Variants in PTPRD observed in about 807,000 individuals in gnomAD.
PTPRD encodes the protein protein tyrosine phosphatase receptor type D.
PTPRD carries 34 observed loss-of-function variants against 214.5 expected under a neutral mutation model. The observed-to-expected ratio is 0.16, with a 90% CI of 0.12 to 0.21. The LOEUF (loss-of-function observed/expected upper bound fraction) is 0.21. Ranked by LOEUF, PTPRD falls within the 10% of genes least tolerant of loss-of-function variation. PTPRD has a pLI of 1.00. For synonymous variants in PTPRD, 1,128 were observed against 845.7 expected (o/e 1.33, Z -5.79); for missense variants, 2,545 against 2,398.7 (o/e 1.06, Z -1.27).
At chr9:8,529,999 T>C (rs1227824296) in intron 14 of PTPRD, among the ~76,000 whole-genome samples, 1 of 152,020 alleles carries the variant, frequency 6.6e-6, no homozygotes, top group Non-Finnish European at 1.5e-5. Context: ...AATTCTAAAA[T>C]TACTCGAAAG....
At chr9:10,601,028 T>G (rs940496443) in intron 2 of PTPRD, among the ~76,000 whole-genome samples, 4 of 151,754 alleles carry the variant, frequency 2.6e-5, no homozygotes, top group Non-Finnish European at 4.4e-5. Flanking sequence ...CAGGGGAAAA[T>G]AGCAAGAAAT....
intron 3 of PTPRD, among the ~76,000 whole-genome samples, chr9:10,097,788 G>A (rs2098506753): frequency 6.6e-6 from 1 of 151,798 alleles, no homozygotes; most frequent in African/African-American, 2.4e-5. Context: ...GAATAGGAGT[G>A]GTGAGAGAGG....
chr9:9,670,234 T>C (rs1045129454), intron 7 of PTPRD, among the ~76,000 whole-genome samples: 1 of 152,170 alleles, frequency 6.6e-6, no homozygotes, highest in African/African-American at 2.4e-5. Context: ...ATGGTTTGGC[T>C]GTGTCCCCAC....
chr9:9,543,259 T>C (rs1355759672), intron 8 of PTPRD, among the ~76,000 whole-genome samples: 2 of 151,532 alleles, frequency 1.3e-5, no homozygotes, highest in East Asian at 3.9e-4. Context: ...CATAACAAAT[T>C]ATGGGGATGC....
At chr9:8,334,777 A>G (rs1844968744) in intron 43 of PTPRD, among the ~76,000 whole-genome samples, 2 of 116,890 alleles carry the variant, frequency 1.7e-5, no homozygotes, top group South Asian at 5.0e-4. Flanking sequence ...AACAAAATAG[A>G]TAGAAAAGAC....
rs1372302662 is a variant in PTPRD at position 10,142,795 on chromosome 9, A to G, written c.-544-109005T>C. 1.1e-3 allele frequency among the ~76,000 whole-genome samples: 164 copies of G among 147,710 alleles called. 2 individuals are homozygous for G. Among genetic ancestry groups the G allele is most frequent in the Non-Finnish European group, 1.8e-3 (123 of 67,252 alleles). On this transcript the variant is annotated intron_variant, in intron 3 of 45. Transcript: ENST00000381196. ...ACTGGGTATATACCCAAAGGACTAT[A>G]AATCATGCTGCTATAAAGACACATG... is the stretch of plus-strand genomic sequence containing the variant.
Position 8,533,182 on chromosome 9 carries a change from G to C in PTPRD, c.353-4403C>G, listed in dbSNP as rs117458196. Among the ~76,000 whole-genome samples the C allele has an allele frequency of 3.6e-4, 55 of 152,094 alleles. 1 individual carries two copies. The East Asian group carries it at 0.011, about 29-fold the overall frequency. On this transcript the variant is annotated intron_variant, in intron 14 of 45. Coordinates refer to ENST00000381196, the MANE Select transcript of PTPRD (RefSeq NM_002839.4). ...TTCACAAACACTGAATCTCTTCTTT[G>C]TAAGGAAGCCAGGAAAATCTGAATT...
At chr9:9,140,234 T>C (rs928245027) in intron 10 of PTPRD, among the ~76,000 whole-genome samples, 1 of 151,824 alleles carries the variant, frequency 6.6e-6, no homozygotes, top group Non-Finnish European at 1.5e-5. Context: ...GAAAAAGCCC[T>C]GTTTGGCTGT....
chr9:8,671,987 A>G (rs1164070978), intron 12 of PTPRD, among the ~76,000 whole-genome samples: 1 of 152,342 alleles, frequency 6.6e-6, no homozygotes, highest in African/African-American at 2.4e-5. Context: ...ACGAGTCCAT[A>G]AACATTCATG....
chr9:9,745,303 T>G (rs577397295), intron 6 of PTPRD, among the ~76,000 whole-genome samples: 1 of 152,258 alleles, frequency 6.6e-6, no homozygotes, highest in East Asian at 1.9e-4. Flanking sequence ...AAATATGAAC[T>G]TATTTTCAAG....
chr9:9,041,151 TG>T (rs1358984187), intron 10 of PTPRD, among the ~76,000 whole-genome samples: 1 of 152,114 alleles, frequency 6.6e-6, no homozygotes, highest in Non-Finnish European at 1.5e-5. Context: ...AAATTATAAA[TG>T]GGGGAATATA....
At chr9:8,369,227 AGCTTCTT>A (rs2134276524) in intron 39 of PTPRD, among the ~76,000 whole-genome samples, 1 of 152,232 alleles carries the variant, frequency 6.6e-6, no homozygotes, top group South Asian at 2.1e-4. Flanking sequence ...CAGCACTCTT[AGCTTCTT>A]TGGATCACAA....
intron 11 of PTPRD, among the ~76,000 whole-genome samples, chr9:8,833,663 T>C (rs2097345915): frequency 6.7e-6 from 1 of 150,228 alleles, no homozygotes; most frequent in Non-Finnish European, 1.5e-5. Context: ...TTCACAACAT[T>C]ATAAAGTTGA....
intron 11 of PTPRD, among the ~76,000 whole-genome samples, chr9:8,900,694 T>A (rs1236229311): frequency 1.3e-5 from 2 of 152,178 alleles, no homozygotes; most frequent in African/African-American, 4.8e-5. Context: ...TTCTGTAGAA[T>A]CTTCAAAATG....
At position 10,076,232 on chromosome 9, in the gene PTPRD, C is replaced by A. The variant is rs867495991; in HGVS notation, c.-544-42442G>T. Among the ~76,000 whole-genome samples the A allele has an allele frequency of 5.3e-5, 8 of 152,200 alleles. No homozygotes were observed. In the South Asian group the frequency reaches 1.7e-3, roughly 32 times the overall value. The stretch of plus-strand genomic sequence containing the variant: ...ATCTCCCTCATCTCCAGTTTTATTT[C>A]CAGTACTTCCACGTACATGCTGCAA... On this transcript the variant is annotated intron_variant, in intron 3 of 45. Transcript: ENST00000381196.
chr9:9,361,738 T>A (rs1283847105), intron 9 of PTPRD, among the ~76,000 whole-genome samples: 1 of 151,154 alleles, frequency 6.6e-6, no homozygotes, highest in African/African-American at 2.4e-5. Flanking sequence ...TCTTTCAGTC[T>A]CAAGATTAAG....
At chr9:10,609,526 T>G (rs1036384088) in intron 2 of PTPRD, among the ~76,000 whole-genome samples, 4 of 152,110 alleles carry the variant, frequency 2.6e-5, no homozygotes, top group African/African-American at 7.2e-5. Context: ...TAACATAATA[T>G]TCTGCTAATT....
At chr9:9,402,987 A>C (rs1176431012) in intron 8 of PTPRD, among the ~76,000 whole-genome samples, 2 of 146,802 alleles carry the variant, frequency 1.4e-5, no homozygotes, top group Non-Finnish European at 3.0e-5. Flanking sequence ...AAAAAAAAAA[A>C]AACACCAAAA....
intron 44 of PTPRD, 97 bp downstream of exon 44, chr9:8,331,485 T>A: frequency 7.1e-7 from 1 of 1,407,794 alleles, no homozygotes. Context: ...TTGCCAAGAA[T>A]AAAATTTCAA....
Sources: allele counts gnomAD v4.1 joint callset (sites outside exome capture counted in the v4.1 genomes callset), GRCh38; gene constraint gnomAD v4.1.1; transcripts MANE v1.5; gene names NCBI Gene and HGNC (gene_info 2026-07-23, HGNC 2026-07-21).